The following HPS5 variants were observed in gnomAD, a reference collection of about 807,000 sequenced individuals.
HPS5 encodes BLOC-2 complex member HPS5.
In HPS5, 83 loss-of-function variants were observed where a neutral mutation model predicts 128.0. The observed-to-expected ratio is 0.65, with a 90% CI of 0.54 to 0.78. HPS5 has a LOEUF of 0.78. Ranked by LOEUF, HPS5 falls within the 30% of genes least tolerant of loss-of-function variation. HPS5 has a pLI of 0.00. For missense variants in HPS5, 1,281 were observed against 1,326.2 expected (o/e 0.97, Z 0.53); for synonymous variants, 475 against 470.2 (o/e 1.01, Z -0.13).
At position 18,293,027 on chromosome 11, in the gene HPS5, C is replaced by G. The variant is rs369371172; in HGVS notation, c.1785-51G>C. The G allele has an allele frequency of 3.6e-6, 5 of 1,395,566 alleles. No individual in the cohort carries two copies. The African/African-American group carries it at 8.3e-5, about 23-fold the overall frequency. The allele number at this position is 1,395,566 out of a possible 1,614,324, so 86.4% of individuals were successfully genotyped here. On this transcript the variant is annotated intron_variant, in intron 14 of 22. Coordinates refer to ENST00000349215, the MANE Select transcript of HPS5 (RefSeq NM_181507.2). ...AACATTCACAAGAGTTAGAGGGGAT[C>G]AGAGCTTTTTTTGAGACAGGGTCTC...
rs754615360 is a variant in HPS5 at position 18,295,080 on chromosome 11, T to C, written c.1724A>G (p.Asp575Gly). 1 of 1,614,074 alleles carries C rather than the reference T, an allele frequency of 6.2e-7. No homozygotes were observed. The highest frequency in any genetic ancestry group is 1.7e-5 in the Admixed American group (1 of 60,024). Residue 575 changes from aspartate (D) to glycine (G), a missense_variant, in exon 14 of 23, where the codon GAT becomes GGT. Physicochemically the swap from Asp to Gly is moderately conservative, Grantham distance 94 (BLOSUM62 -1). Transcript: ENST00000349215. ...DLKVRPELRG[D>G]EQSCEEDVSS... The stretch of plus-strand genomic sequence containing the variant: ...CACATCCTCTTCACATGATTGCTCA[T>C]CACCCCTGAGCTCTGGTCTCACTTT...
In HPS5 at chr11:18,282,018, C is replaced by T; in HGVS notation, c.3261G>A (p.Leu1087=). The T allele has an allele frequency of 1.2e-6, 2 of 1,614,202 alleles. No individual in the cohort carries two copies. The highest frequency in any genetic ancestry group is 4.5e-5 in the East Asian group (2 of 44,876). Reference sequence around the variant, plus strand: ...TAAACTTCTCTGACAACTCAAGGGCCAGACCACATTCCTGTAGCAGTGACC... The same window carrying T: ...TAAACTTCTCTGACAACTCAAGGGCTAGACCACATTCCTGTAGCAGTGACC... ...RAWSLLQECG[L]ALELSEKFTR... The change falls in exon 22 of 23, where the codon CTG becomes CTA. Residue 1087 remains leucine, a synonymous_variant. Coordinates refer to ENST00000349215, the MANE Select transcript of HPS5 (RefSeq NM_181507.2).
chr11:18,285,486 T>C, intron 19 of HPS5, 27 bp from the exon 20 acceptor site: 1 of 1,440,524 alleles, frequency 6.9e-7, no homozygotes, highest in Non-Finnish European at 9.8e-7. Flanking sequence ...AATCAGTAAA[T>C]TAGATAGGAA....
At position 18,287,935 on chromosome 11, in the gene HPS5, T is replaced by C; in HGVS notation, c.2519A>G (p.Glu840Gly). 1 of 1,614,050 alleles carries C rather than the reference T, an allele frequency of 6.2e-7. No individual in the cohort carries two copies. Among genetic ancestry groups the C allele is most frequent in the Non-Finnish European group, 8.5e-7 (1 of 1,179,980 alleles). ...CAACAACGGACTATCAAAAGGAACC[T>C]CGTCATCTAGTAACTTTAACCTTGT... ...LPTRLKLLDDEVPFDSPLLVV... is the reference protein window; with the variant it reads ...LPTRLKLLDDGVPFDSPLLVV... Residue 840 changes from glutamate to glycine, a missense_variant, in exon 17 of 23, where the codon GAG (glutamate) becomes GGG (glycine). Glu to Gly is a moderately conservative substitution (Grantham distance 98). Coordinates refer to ENST00000349215, the MANE Select transcript of HPS5 (RefSeq NM_181507.2).
chr11:18,299,662 T>C (rs1162218855), intron 9 of HPS5, among the ~76,000 whole-genome samples: 1 of 152,218 alleles, frequency 6.6e-6, no homozygotes, highest in East Asian at 1.9e-4. Context: ...TCACATATGA[T>C]GGCTGTTGCT....
At chr11:18,283,254 G>A (rs971234446) in intron 21 of HPS5, among the ~76,000 whole-genome samples, 1 of 151,354 alleles carries the variant, frequency 6.6e-6, no homozygotes, top group Non-Finnish European at 1.5e-5. Context: ...TGCCCACCTC[G>A]GCCTCTGAAA....
In HPS5 at chr11:18,288,032, C is replaced by T. The variant is rs1564933630; in HGVS notation, c.2441-19G>A. ...GCCATTTCTGAAATATAAAGCATAT[C>T]CTTTTCCAAACTTTATCTCTTAGGC... On this transcript the variant is annotated intron_variant, in intron 16 of 22. Transcript: ENST00000349215. 1 of 1,612,884 alleles carries T rather than the reference C, an allele frequency of 6.2e-7. No homozygotes were observed. Among genetic ancestry groups the T allele is most frequent in the Non-Finnish European group, 8.5e-7 (1 of 1,179,646 alleles).
rs149564550 is a variant in HPS5, at chr11:18,291,746, A to T, written c.2136T>A (p.Ser712Arg). Residue 712 changes from serine (S) to arginine (R), a missense_variant, in exon 16 of 23, where the codon AGT becomes AGA. Coordinates refer to ENST00000349215, the MANE Select transcript of HPS5 (RefSeq NM_181507.2). Reference protein sequence around the residue: ...VDKTACECVRSPRESLDDLFQ... With the variant: ...VDKTACECVRRPRESLDDLFQ... ...ACAGGTCATCCAAAGACTCCCTTGG[A>T]CTCCTTACACATTCACATGCTGTTT... 54 of 1,613,948 alleles carry T rather than the reference A, an allele frequency of 3.3e-5. No homozygotes were observed. In the African/African-American group the frequency reaches 5.6e-4, roughly 17 times the overall value.
At chr11:18,296,344 T>C in intron 12 of HPS5, 1 of 570,616 alleles carries the variant, frequency 1.8e-6, no homozygotes, top group Non-Finnish European at 3.1e-6. Context: ...CTACTAACCC[T>C]GAGTCCCCAT....
intron 8 of HPS5, among the ~76,000 whole-genome samples, chr11:18,301,117 C>G (rs942117845): frequency 9.9e-5 from 15 of 152,038 alleles, no homozygotes; most frequent in Non-Finnish European, 1.8e-4. Context: ...AAAATGATGC[C>G]AAATTGGGAA....
intron 19 of HPS5, among the ~76,000 whole-genome samples, 188 bp downstream of exon 19, chr11:18,286,403 G>A (rs1204429622): frequency 3.3e-5 from 5 of 152,102 alleles, no homozygotes; most frequent in Non-Finnish European, 7.4e-5. Context: ...CGGGCAGAGT[G>A]GTGTGCTCCT....
At chr11:18,321,380 C>T (rs1055001228) in intron 1 of HPS5, among the ~76,000 whole-genome samples, 1 of 152,170 alleles carries the variant, frequency 6.6e-6, no homozygotes, top group Admixed American at 6.5e-5. Context: ...AAAACCCTAC[C>T]TTTCTGCAAA....
chr11:18,312,887 C>A (rs1018528792), intron 2 of HPS5, among the ~76,000 whole-genome samples: 3 of 152,164 alleles, frequency 2.0e-5, no homozygotes, highest in African/African-American at 7.2e-5. Context: ...AGAACACTAA[C>A]CTCCTATGAG....
intron 2 of HPS5, among the ~76,000 whole-genome samples, chr11:18,316,149 G>A (rs1297691458): frequency 6.6e-6 from 1 of 152,058 alleles, no homozygotes; most frequent in East Asian, 1.9e-4. Flanking sequence ...TTAAAAATTA[G>A]CCTGGCATGG....
chr11:18,312,923 C>T (rs918698327), intron 2 of HPS5, among the ~76,000 whole-genome samples: 1 of 152,208 alleles, frequency 6.6e-6, no homozygotes, highest in Non-Finnish European at 1.5e-5. Flanking sequence ...ACCACGTAAG[C>T]TCCTATTAAT....
At chr11:18,304,239 C>CA (rs1320751642) in intron 8 of HPS5, among the ~76,000 whole-genome samples, 1 of 139,660 alleles carries the variant, frequency 7.2e-6, no homozygotes, top group African/African-American at 2.7e-5. Context: ...TTTTTTGAGA[C>CA]AGAGTCTTGC....
chr11:18,311,805 C>G (rs537485793), intron 3 of HPS5, 109 bp downstream of exon 3: 2 of 914,590 alleles, frequency 2.2e-6, no homozygotes, highest in East Asian at 2.5e-5. Context: ...GACACCGCAC[C>G]AAGCCAAGTT....
chr11:18,296,047 G>A lies in HPS5; in HGVS notation c.1586C>T (p.Pro529Leu), dbSNP rs1346699388. 1 of 1,613,404 alleles carries A rather than the reference G, an allele frequency of 6.2e-7. No homozygotes were observed. Among genetic ancestry groups the A allele is most frequent in the African/African-American group, 1.3e-5 (1 of 74,904 alleles). Residue 529 changes from proline (P) to leucine (L), a missense_variant, in exon 13 of 23, where the codon CCA (proline) becomes CTA (leucine). Pro to Leu is a moderately conservative substitution (Grantham distance 98). Coordinates refer to ENST00000349215, the MANE Select transcript of HPS5 (RefSeq NM_181507.2). ...ETFLPFGIPL[P>L]FRSPSPLVSL... ...CACAAGAGGAGATGGAGAACGAAATGGTAATGGAATGCCGAACGGGAGAAA... is the reference window on the plus strand; with the variant it reads ...CACAAGAGGAGATGGAGAACGAAATAGTAATGGAATGCCGAACGGGAGAAA...
At chr11:18,299,207 A>G (rs1394423607) in intron 9 of HPS5, among the ~76,000 whole-genome samples, 1 of 152,248 alleles carries the variant, frequency 6.6e-6, no homozygotes, top group Non-Finnish European at 1.5e-5. Flanking sequence ...CTAAAGTCTT[A>G]TGTTTAAAAA....
Sources: allele counts gnomAD v4.1 joint callset (sites outside exome capture counted in the v4.1 genomes callset), GRCh38; gene constraint gnomAD v4.1.1; transcripts MANE v1.5; gene names NCBI Gene and HGNC (gene_info 2026-07-23, HGNC 2026-07-21).